Variants in AGPAT3 observed in about 807,000 individuals in gnomAD.
AGPAT3 encodes 1-acyl-sn-glycerol-3-phosphate acyltransferase gamma.
Under a neutral mutation model 47.3 loss-of-function variants are expected in AGPAT3, and 5 were observed. The ratio of observed to expected loss-of-function variants is 0.11; its 90% CI spans 0.06 to 0.22. The LOEUF (loss-of-function observed/expected upper bound fraction) is 0.22. AGPAT3 is among the 10% of genes least tolerant of loss of function. AGPAT3 has a pLI of 1.00. For synonymous variants in AGPAT3, 212 were observed against 208.3 expected (o/e 1.02, Z -0.15); for missense variants, 315 against 493.0 (o/e 0.64, Z 3.42).
intron 1 of AGPAT3, among the ~76,000 whole-genome samples, chr21:43,883,911 A>G (rs921992574): frequency 6.6e-6 from 1 of 151,914 alleles, no homozygotes; most frequent in Non-Finnish European, 1.5e-5. Flanking sequence ...TATTTTTAGT[A>G]GAGAGACGGG....
At chr21:43,877,125 C>T (rs143472373) in intron 1 of AGPAT3, among the ~76,000 whole-genome samples, 1 of 152,350 alleles carries the variant, frequency 6.6e-6, no homozygotes, top group Non-Finnish European at 1.5e-5. Flanking sequence ...TCCCGAAGTG[C>T]TGGGATTACA....
At chr21:43,866,618 C>CGG (rs2085513451) in intron 1 of AGPAT3, 1 of 152,158 alleles carries the variant, frequency 6.6e-6, no homozygotes, top group Non-Finnish European at 1.5e-5. Context: ...CCACAGAGTT[C>CGG]GGCGTTAGCC....
chr21:43,959,082 T>TGGTGTGTGTGTGGCATGTGTGTGGTTTGC (rs796594636), intron 2 of AGPAT3, among the ~76,000 whole-genome samples: 6,328 of 121,980 alleles, frequency 0.052, 616 homozygotes, highest in African/African-American at 0.18. Context: ...GTGTGGTTTG[T>TGGTGTGTGTGTGGCATGTGTGTGGTTTGC]GGTGTGTGTG....
At chr21:43,976,447 C>G (rs998131332) in intron 7 of AGPAT3, among the ~76,000 whole-genome samples, 1 of 152,162 alleles carries the variant, frequency 6.6e-6, no homozygotes, top group African/African-American at 2.4e-5. Context: ...GTCTGCCTGC[C>G]CCTCGGCTTC....
chr21:43,868,823 G>A (rs572883778), intron 1 of AGPAT3, among the ~76,000 whole-genome samples: 1 of 152,270 alleles, frequency 6.6e-6, no homozygotes, highest in South Asian at 2.1e-4. Flanking sequence ...AAGGAGAGTG[G>A]TATTGCCCCA....
At chr21:43,894,166 T>C (rs533853263) in intron 1 of AGPAT3, among the ~76,000 whole-genome samples, 4 of 152,270 alleles carry the variant, frequency 2.6e-5, no homozygotes, top group African/African-American at 9.6e-5. Context: ...AAAAAGATTA[T>C]ATTAGCTTCA....
chr21:43,978,622 G>A (rs2089715844), intron 8 of AGPAT3, among the ~76,000 whole-genome samples: 1 of 152,202 alleles, frequency 6.6e-6, no homozygotes, highest in Non-Finnish European at 1.5e-5. Context: ...TCTTCTTAAT[G>A]TTTGAGAAAT....
In AGPAT3 at chr21:43,881,454, G is replaced by A. The variant is rs141739425; in HGVS notation, c.-112+16109G>A. Reference sequence around the variant, plus strand: ...CATACCTCAGCCTGTGCTGTCTGGGGCAGACGGCATGAGCCATGCAGCCCA... The same window carrying A: ...CATACCTCAGCCTGTGCTGTCTGGGACAGACGGCATGAGCCATGCAGCCCA... On this transcript the variant is annotated intron_variant, in intron 1 of 9. Coordinates refer to ENST00000291572, the MANE Select transcript of AGPAT3 (RefSeq NM_020132.5). 4.9e-4 allele frequency among the ~76,000 whole-genome samples: 74 copies of A among 152,312 alleles called. No homozygotes were observed. In the Middle Eastern group the frequency reaches 0.024, roughly 49 times the overall value.
chr21:43,976,433 C>T (rs1408868771), intron 7 of AGPAT3, among the ~76,000 whole-genome samples: 4 of 152,212 alleles, frequency 2.6e-5, no homozygotes, highest in African/African-American at 4.8e-5. Context: ...CTCCTGGCCT[C>T]GTGGTCTGCC....
intron 2 of AGPAT3, among the ~76,000 whole-genome samples, chr21:43,918,244 T>TTGTGGGTGTTGTGGGTGTTGC (rs2086802258): frequency 1.2e-5 from 1 of 86,734 alleles, no homozygotes; most frequent in African/African-American, 3.2e-5. Context: ...GTGGGTGTTG[T>TTGTGGGTGTTGTGGGTGTTGC]AGGTGGCCAG....
intron 2 of AGPAT3, among the ~76,000 whole-genome samples, chr21:43,947,265 G>A (rs759203068): frequency 2.6e-5 from 4 of 152,226 alleles, no homozygotes; most frequent in South Asian, 2.1e-4. Flanking sequence ...CTTTAGTTCC[G>A]ATTCCCGGTG....
intron 2 of AGPAT3, among the ~76,000 whole-genome samples, chr21:43,915,400 A>C (rs1259797502): frequency 2.2e-5 from 1 of 46,370 alleles, no homozygotes; most frequent in Non-Finnish European, 4.3e-5. Flanking sequence ...CATTTTCTTG[A>C]TTAGCTTTTT....
intron 1 of AGPAT3, among the ~76,000 whole-genome samples, chr21:43,897,264 G>C (rs1352431942): frequency 1.3e-4 from 19 of 151,942 alleles, no homozygotes; most frequent in Non-Finnish European, 1.8e-4. Flanking sequence ...CAGAGAGCAC[G>C]GGGTTGGGGG....
At chr21:43,892,183 TG>T (rs1479797728) in intron 1 of AGPAT3, among the ~76,000 whole-genome samples, 1 of 151,924 alleles carries the variant, frequency 6.6e-6, no homozygotes, top group Non-Finnish European at 1.5e-5. Flanking sequence ...GGTGCACGCC[TG>T]TAAATCCAGC....
intron 2 of AGPAT3, among the ~76,000 whole-genome samples, chr21:43,926,554 G>A (rs980873808): frequency 2.6e-5 from 4 of 151,708 alleles, no homozygotes; most frequent in African/African-American, 7.3e-5. Flanking sequence ...CCCACGGCGC[G>A]TTCCTGGGTT....
chr21:43,897,164 G>C (rs537397104), intron 1 of AGPAT3, among the ~76,000 whole-genome samples: 11 of 151,778 alleles, frequency 7.2e-5, no homozygotes, highest in Admixed American at 2.0e-4. Flanking sequence ...TGACTCTTAA[G>C]GAGCATGCTG....
chr21:43,894,185 T>C (rs2086163188), intron 1 of AGPAT3, among the ~76,000 whole-genome samples: 1 of 151,846 alleles, frequency 6.6e-6, no homozygotes, highest in Non-Finnish European at 1.5e-5. Context: ...CAAAATGCAC[T>C]GGGCAGGGGC....
At position 43,902,107 on chromosome 21, in the gene AGPAT3, A is replaced by G. The variant is rs566361292; in HGVS notation, c.-111-1850A>G. Among the ~76,000 whole-genome samples the G allele has an allele frequency of 5.9e-4, 90 of 152,346 alleles. 1 individual carries two copies. Among genetic ancestry groups the G allele is most frequent in the African/African-American group, 2.0e-3 (85 of 41,578 alleles). ...AAGAAACATGAAGGAATTCACCCCA[A>G]TACACACCATCATCCAATTGCCGAG... On this transcript the variant is annotated intron_variant, in intron 1 of 9. Coordinates refer to ENST00000291572, the MANE Select transcript of AGPAT3 (RefSeq NM_020132.5).
chr21:43,972,131 A>G (rs529041483), intron 7 of AGPAT3, among the ~76,000 whole-genome samples: 92 of 149,428 alleles, frequency 6.2e-4, no homozygotes, highest in African/African-American at 2.2e-3. Flanking sequence ...GTGAAGGGAA[A>G]GGAAGAGCCT....
Sources: gnomAD v4.1 joint callset for allele counts (sites outside exome capture counted in the v4.1 genomes callset) on GRCh38, gnomAD v4.1.1 for gene constraint, MANE v1.5 for transcripts, NCBI Gene and HGNC (gene_info 2026-07-23, HGNC 2026-07-21) for gene names.